Variants in TIMD4 observed in about 807,000 individuals in gnomAD.
The protein encoded by TIMD4 is T cell immunoglobulin and mucin domain containing 4, also known as T-cell immunoglobulin and mucin domain-containing protein 4.
TIMD4 carries 31 observed loss-of-function variants against 41.2 expected under a neutral mutation model. That is an observed-to-expected ratio of 0.75 (90% CI 0.57 to 1.01). The LOEUF (loss-of-function observed/expected upper bound fraction) is 1.01, where lower values mean the gene tolerates loss of function less well. Among genes scored for constraint, TIMD4 ranks in the 50% least tolerant of loss-of-function variants. TIMD4 has a pLI of 0.00. For synonymous variants in TIMD4, 204 were observed against 177.1 expected, an observed-to-expected ratio of 1.15 and a Z score of -1.21; for missense variants, 479 against 472.5, an observed-to-expected ratio of 1.01 and a Z score of -0.13.
At chr5:156,943,384 T>C (rs978605668) in intron 5 of TIMD4, among the ~76,000 whole-genome samples, 1 of 152,176 alleles carries the variant, frequency 6.6e-6, no homozygotes, top group Non-Finnish European at 1.5e-5. Flanking sequence ...CAGAAAAGGA[T>C]AGAACAAATA....
At chr5:156,921,625 A>C (rs1255366825) in intron 7 of TIMD4, among the ~76,000 whole-genome samples, 1 of 148,756 alleles carries the variant, frequency 6.7e-6, no homozygotes, top group African/African-American at 2.4e-5. Context: ...TCAAAAAAAA[A>C]AAAAAAAAAA....
rs181283995 is a variant in TIMD4, at chr5:156,924,375, C to A, written c.894+1888G>T. 131 of 382,270 alleles carry A rather than the reference C, an allele frequency of 3.4e-4. No homozygotes were observed. The East Asian group carries it at 6.8e-3, about 20-fold the overall frequency. The allele number at this position is 382,270 out of a possible 1,614,324, so 23.7% of individuals were successfully genotyped here. A position where few individuals can be genotyped will look rare whatever the true frequency, so the allele number is the denominator to read the frequency against. On this transcript the variant is annotated intron_variant, in intron 6 of 8. Coordinates refer to ENST00000274532, the MANE Select transcript of TIMD4 (RefSeq NM_138379.3). Reference sequence around the variant, plus strand: ...TCAGGAAAGGTACTCCTAAATGAAGCCAAAGATGTAAAGTTTGGTTCAATG... The same window carrying A: ...TCAGGAAAGGTACTCCTAAATGAAGACAAAGATGTAAAGTTTGGTTCAATG...
chr5:156,934,714 CA>C (rs1043552941), intron 5 of TIMD4, among the ~76,000 whole-genome samples: 1 of 149,356 alleles, frequency 6.7e-6, no homozygotes, highest in Non-Finnish European at 1.5e-5. Flanking sequence ...CTGAATGACT[CA>C]AAAAAAAATG....
chr5:156,946,666 T>C (rs75159015), intron 5 of TIMD4, among the ~76,000 whole-genome samples: 4 of 151,184 alleles, frequency 2.6e-5, no homozygotes, highest in African/African-American at 7.3e-5. Flanking sequence ...TTTTTTTTTT[T>C]AGTAGAGACG....
chr5:156,923,239 C>T (rs1759284130), intron 6 of TIMD4, among the ~76,000 whole-genome samples: 1 of 150,816 alleles, frequency 6.6e-6, no homozygotes, highest in African/African-American at 2.4e-5. Flanking sequence ...ACCTCTGCCT[C>T]CCGAGTTCAA....
At position 156,925,004 on chromosome 5, in the gene TIMD4, AAGAG is replaced by A. The variant is rs139087161; in HGVS notation, c.894+1255_894+1258del. ...TTAAAATCCAAGTTAAAAAAAGAAA[AAGAG>A]AGAGAGAGAGAGAATATAGGCCAGG... On this transcript the variant is annotated intron_variant, in intron 6 of 8. Transcript: ENST00000274532. Among the ~76,000 whole-genome samples, 597 of 151,730 alleles carry A rather than the reference AAGAG, an allele frequency of 3.9e-3. 1 individual carries two copies. Among genetic ancestry groups the A allele is most frequent in the African/African-American group, 0.011 (441 of 41,416 alleles).
intron 6 of TIMD4, among the ~76,000 whole-genome samples, chr5:156,925,893 T>C (rs1208039326): frequency 1.3e-5 from 2 of 152,048 alleles, no homozygotes; most frequent in African/African-American, 4.8e-5. Context: ...GATTTTTTGT[T>C]TGTTTGTTTT....
intron 1 of TIMD4, among the ~76,000 whole-genome samples, chr5:156,958,074 C>T (rs538340259): frequency 6.6e-6 from 1 of 151,924 alleles, no homozygotes; most frequent in Admixed American, 6.6e-5. Context: ...GAGTTCGAGA[C>T]CAGCCTGGCC....
intron 5 of TIMD4, chr5:156,935,435 A>G (rs565136387): frequency 2.6e-5 from 4 of 152,218 alleles, no homozygotes; most frequent in Non-Finnish European, 4.4e-5. Context: ...ACATGTTTTT[A>G]TACACTTAAA....
chr5:156,920,637 A>C, intron 7 of TIMD4, 134 bp from the exon 8 acceptor site: 1 of 837,692 alleles, frequency 1.2e-6, no homozygotes, highest in African/African-American at 1.7e-5. Flanking sequence ...TGGCTTTGGC[A>C]GAAAAAGCCA....
chr5:156,949,968 C>T (rs1200287673), intron 3 of TIMD4, among the ~76,000 whole-genome samples: 1 of 152,116 alleles, frequency 6.6e-6, no homozygotes. Context: ...CAGGTACCCG[C>T]CACCATGCCT....
Position 156,957,549 on chromosome 5 carries a change from A to AT in TIMD4, c.59-2794dup, listed in dbSNP as rs779558711. Among the ~76,000 whole-genome samples, 92 of 152,108 alleles carry AT rather than the reference A, an allele frequency of 6.0e-4. 1 individual carries two copies. The highest frequency in any genetic ancestry group is 6.8e-3 in the Middle Eastern group (2 of 294). ...AGAAAAAAGAAAAAGAAAAAAGTCA[A>AT]TGCAGTGGGAAGTCCATTTTGCCTC... On this transcript the variant is annotated intron_variant, in intron 1 of 8. Coordinates refer to ENST00000274532, the MANE Select transcript of TIMD4 (RefSeq NM_138379.3).
intron 6 of TIMD4, among the ~76,000 whole-genome samples, chr5:156,923,453 A>G (rs1267917965): frequency 2.1e-4 from 32 of 151,950 alleles, no homozygotes; most frequent in Admixed American, 2.1e-3. Context: ...CCGGCCTAAA[A>G]AAATTTTTTA....
intron 5 of TIMD4, among the ~76,000 whole-genome samples, chr5:156,941,676 C>A (rs368727055): frequency 9.2e-5 from 14 of 152,170 alleles, no homozygotes; most frequent in African/African-American, 3.4e-4. Context: ...TATCTCAAAG[C>A]AGAGCTCACT....
intron 5 of TIMD4, among the ~76,000 whole-genome samples, chr5:156,928,295 T>TAAAA (rs3068098): frequency 5.5e-5 from 8 of 146,230 alleles, no homozygotes; most frequent in African/African-American, 1.8e-4. Context: ...AGACTCCATC[T>TAAAA]AAAAAAAAAA....
intron 5 of TIMD4, among the ~76,000 whole-genome samples, chr5:156,931,628 T>C (rs1759445793): frequency 6.6e-6 from 1 of 152,226 alleles, no homozygotes; most frequent in Non-Finnish European, 1.5e-5. Flanking sequence ...GAATTCTTAC[T>C]GTAAGTTAGT....
chr5:156,960,400 TCCC>T (rs1264364869), intron 1 of TIMD4, among the ~76,000 whole-genome samples: 1 of 147,652 alleles, frequency 6.8e-6, no homozygotes, highest in Non-Finnish European at 1.5e-5. Context: ...GTTTTTTTCT[TCCC>T]CCTTTTTTTT....
At chr5:156,929,237 C>G (rs959130263) in intron 5 of TIMD4, among the ~76,000 whole-genome samples, 16 of 152,096 alleles carry the variant, frequency 1.1e-4, no homozygotes, top group African/African-American at 3.6e-4. Context: ...GTCTGTGTTC[C>G]CCCAGCCCTT....
At chr5:156,930,349 G>A (rs954123642) in intron 5 of TIMD4, among the ~76,000 whole-genome samples, 5 of 152,322 alleles carry the variant, frequency 3.3e-5, no homozygotes, top group Middle Eastern at 3.4e-3. Context: ...CCATGGGGTT[G>A]AGCAATGTGA....
Sources: allele counts gnomAD v4.1 joint callset (sites outside exome capture counted in the v4.1 genomes callset), GRCh38; gene constraint gnomAD v4.1.1; transcripts MANE v1.5; gene names NCBI Gene and HGNC (gene_info 2026-07-23, HGNC 2026-07-21).